The following IGSF11 variants were observed in gnomAD, a reference collection of about 807,000 sequenced individuals.
IGSF11 encodes the protein CXADR like 1.
IGSF11 carries 22 observed loss-of-function variants against 41.0 expected under a neutral mutation model. That is an observed-to-expected ratio of 0.54 (90% confidence interval 0.38 to 0.77). The LOEUF (loss-of-function observed/expected upper bound fraction) is 0.77, where lower values mean the gene tolerates loss of function less well. IGSF11 is among the 30% of genes least tolerant of loss of function. The probability of loss-of-function intolerance (pLI) is 0.00; values close to 1 mark genes in which losing one functional copy is unlikely to be tolerated. For missense variants in IGSF11, 444 were observed against 530.8 expected (o/e 0.84, Z 1.61); for synonymous variants, 219 against 201.3 (o/e 1.09, Z -0.74).
At chr3:118,966,638 T>C (rs974357561) in intron 1 of IGSF11, among the ~76,000 whole-genome samples, 2 of 152,162 alleles carry the variant, frequency 1.3e-5, no homozygotes, top group African/African-American at 4.8e-5. Flanking sequence ...ATCGCCAGGT[T>C]CGGGTTAGCA....
chr3:119,070,812 C>T (rs113925530), intron 1 of IGSF11, among the ~76,000 whole-genome samples: 25 of 152,158 alleles, frequency 1.6e-4, no homozygotes, highest in Admixed American at 2.6e-4. Context: ...CAAATTCTTC[C>T]GAGAGCAGTA....
Position 118,933,091 on chromosome 3 carries a change from C to T in IGSF11, c.53-2816G>A, listed in dbSNP as rs572056214. On this transcript the variant is annotated intron_variant, in intron 1 of 6. Transcript: ENST00000393775. ...GGCAGCAGAAGTTGTGAAAGGCCAA[C>T]TTCACTTACTTCATGTTTTTACATA... 3.3e-5 allele frequency among the ~76,000 whole-genome samples: 5 copies of T among 152,340 alleles called. No individual in the cohort carries two copies. The East Asian group carries it at 9.6e-4, about 29-fold the overall frequency.
intron 1 of IGSF11, among the ~76,000 whole-genome samples, chr3:119,048,072 A>G (rs1346126581): frequency 6.6e-6 from 1 of 150,566 alleles, no homozygotes; most frequent in Non-Finnish European, 1.5e-5. Flanking sequence ...ACACCCTAAC[A>G]TCACAATTAA....
At chr3:119,037,983 T>A (rs529217900), upstream of IGSF11, among the ~76,000 whole-genome samples, 15 of 152,342 alleles carry the variant, frequency 9.8e-5, no homozygotes, top group African/African-American at 3.4e-4. Context: ...TTCTTAAAGT[T>A]AGGAAAAACC....
intron 1 of IGSF11, chr3:118,947,726 C>G (rs557833494): frequency 2.0e-5 from 3 of 152,292 alleles, no homozygotes; most frequent in Admixed American, 1.3e-4. Flanking sequence ...CCTAAACAAG[C>G]CTTCTTTGTG....
intron 1 of IGSF11, among the ~76,000 whole-genome samples, chr3:119,017,066 T>C (rs1375573849): frequency 1.4e-5 from 2 of 138,852 alleles, no homozygotes; most frequent in African/African-American, 5.5e-5. Context: ...AAGCCAACTA[T>C]GGGGCCAACT....
At chr3:118,965,733 A>C (rs1030373534) in intron 1 of IGSF11, among the ~76,000 whole-genome samples, 18 of 152,266 alleles carry the variant, frequency 1.2e-4, no homozygotes, top group African/African-American at 4.3e-4. Flanking sequence ...GCGAAGCATT[A>C]GGGTAATTTT....
chr3:119,083,982 T>G (rs1246699291), intron 1 of IGSF11, among the ~76,000 whole-genome samples: 1 of 152,116 alleles, frequency 6.6e-6, no homozygotes, highest in Non-Finnish European at 1.5e-5. Flanking sequence ...CCAAGGACCT[T>G]CCAGTGAGAC....
At chr3:119,088,343 T>C (rs924845344) in intron 1 of IGSF11, among the ~76,000 whole-genome samples, 2 of 152,022 alleles carry the variant, frequency 1.3e-5, no homozygotes, top group African/African-American at 2.4e-5. Flanking sequence ...AACATTGAAA[T>C]TAAGGCAGAC....
chr3:118,952,556 C>T (rs1944652305), intron 1 of IGSF11, among the ~76,000 whole-genome samples: 1 of 152,112 alleles, frequency 6.6e-6, no homozygotes, highest in Admixed American at 6.6e-5. Flanking sequence ...AACTTCTTAT[C>T]TGTTAAAGTT....
At chr3:119,019,458 A>G (rs562290439) in intron 1 of IGSF11, among the ~76,000 whole-genome samples, 14 of 150,630 alleles carry the variant, frequency 9.3e-5, no homozygotes, top group Non-Finnish European at 1.8e-4. Flanking sequence ...GGCAGATCCA[A>G]GAATTTGCAC....
intron 1 of IGSF11, among the ~76,000 whole-genome samples, chr3:118,971,071 C>T (rs1219906295): frequency 1.3e-5 from 2 of 152,160 alleles, no homozygotes; most frequent in Non-Finnish European, 2.9e-5. Flanking sequence ...GTGCCTTATG[C>T]TCCCTCATGA....
chr3:119,025,037 T>C (rs1939684516), intron 1 of IGSF11, among the ~76,000 whole-genome samples: 4 of 152,184 alleles, frequency 2.6e-5, no homozygotes, highest in South Asian at 4.1e-4. Context: ...AATAAGACTA[T>C]ATTCGAATGA....
intron 1 of IGSF11, among the ~76,000 whole-genome samples, chr3:119,005,148 T>C (rs965104502): frequency 1.4e-5 from 2 of 147,178 alleles, no homozygotes. Flanking sequence ...AGGGTGCTCC[T>C]GTATTGGGTG....
At position 119,122,293 on chromosome 3, in the gene IGSF11, T is replaced by A. The variant is rs574044278; in HGVS notation, c.-13-17088A>T. Among the ~76,000 whole-genome samples the A allele has an allele frequency of 6.6e-5, 10 of 152,262 alleles. No individual in the cohort carries two copies. In the South Asian group the frequency reaches 1.9e-3, roughly 28 times the overall value. On this transcript the variant is annotated intron_variant, in intron 1 of 7. Transcript: ENST00000425327. ...CTTTGCATTGAACTCAGTGCTGCCC[T>A]CTCACAGAAGAAAACAGAACCGAAC...
intron 1 of IGSF11, among the ~76,000 whole-genome samples, chr3:119,140,016 G>A (rs2077619910): frequency 6.6e-6 from 1 of 151,808 alleles, no homozygotes; most frequent in African/African-American, 2.4e-5. Flanking sequence ...TCCAAAAATA[G>A]TAAAATAAAC....
chr3:119,032,798 C>G (rs974934872), intron 1 of IGSF11, among the ~76,000 whole-genome samples: 9 of 152,232 alleles, frequency 5.9e-5, no homozygotes, highest in African/African-American at 1.9e-4. Context: ...TTTGTGCATG[C>G]TTACAGCCTG....
intron 1 of IGSF11, among the ~76,000 whole-genome samples, chr3:119,009,071 TACAC>T (rs886705863): frequency 6.6e-6 from 1 of 151,962 alleles, no homozygotes; most frequent in Non-Finnish European, 1.5e-5. Flanking sequence ...CACACACACA[TACAC>T]ACACACAAAT....
At chr3:119,051,038 C>T (rs1176384084) in intron 1 of IGSF11, among the ~76,000 whole-genome samples, 2 of 151,192 alleles carry the variant, frequency 1.3e-5, no homozygotes, top group African/African-American at 2.4e-5. Context: ...GGAGATATAC[C>T]TAATGCTAGA....
Sources: allele counts gnomAD v4.1 joint callset (sites outside exome capture counted in the v4.1 genomes callset), GRCh38; gene constraint gnomAD v4.1.1; transcripts MANE v1.5; gene names NCBI Gene and HGNC (gene_info 2026-07-23, HGNC 2026-07-21).